Variants in ERBB4 observed in about 807,000 individuals in gnomAD.
ERBB4 encodes receptor tyrosine-protein kinase erbB-4.
A neutral mutation model predicts 158.0 loss-of-function variants in ERBB4; 42 were observed. That is an observed-to-expected ratio of 0.27 (90% CI 0.21 to 0.34). The LOEUF is 0.34. Among genes scored for constraint, ERBB4 ranks in the 10% least tolerant of loss-of-function variants. The pLI, the probability that ERBB4 is intolerant of heterozygous loss-of-function variation, is 1.00. For synonymous variants in ERBB4, 583 were observed against 558.7 expected, an observed-to-expected ratio of 1.04 and a Z score of -0.61; for missense variants, 1,333 against 1,624.1, an observed-to-expected ratio of 0.82 and a Z score of 3.08.
chr2:212,126,978 A>G (rs1234164044), intron 1 of ERBB4, among the ~76,000 whole-genome samples: 1 of 152,212 alleles, frequency 6.6e-6, no homozygotes, highest in African/African-American at 2.4e-5. Context: ...TCATTATAAA[A>G]ACAAAATCCA....
intron 5 of ERBB4, among the ~76,000 whole-genome samples, chr2:211,742,074 G>A (rs553160378): frequency 5.9e-5 from 9 of 152,292 alleles, no homozygotes; most frequent in African/African-American, 1.9e-4. Flanking sequence ...GATGTGCAAA[G>A]TTATTAGTAA....
chr2:212,020,506 G>T (rs2076625151), intron 2 of ERBB4, among the ~76,000 whole-genome samples: 1 of 151,742 alleles, frequency 6.6e-6, no homozygotes, highest in Non-Finnish European at 1.5e-5. Context: ...TTTAAGCTAG[G>T]TTAACTTATA....
intron 3 of ERBB4, among the ~76,000 whole-genome samples, chr2:211,863,542 A>G (rs1452024445): frequency 6.6e-6 from 1 of 152,196 alleles, no homozygotes; most frequent in Non-Finnish European, 1.5e-5. Context: ...CTAAGAACCC[A>G]CTGGGAGGAA....
chr2:212,474,212 T>C (rs905408140), intron 1 of ERBB4, among the ~76,000 whole-genome samples: 1 of 152,098 alleles, frequency 6.6e-6, no homozygotes, highest in Non-Finnish European at 1.5e-5. Context: ...AGTGATTTTT[T>C]TTTTTTTAGT....
At position 212,333,126 on chromosome 2, in the gene ERBB4, G is replaced by A. The variant is rs190770060; in HGVS notation, c.82+205323C>T. ...ACACATATGCTTAAATTCAGTAGATGGGTATAAAATATCAGAATTTAGTCA... is the reference window on the plus strand; with the variant it reads ...ACACATATGCTTAAATTCAGTAGATAGGTATAAAATATCAGAATTTAGTCA... On this transcript the variant is annotated intron_variant, in intron 1 of 27. Coordinates refer to ENST00000342788, the MANE Select transcript of ERBB4 (RefSeq NM_005235.3). Among the ~76,000 whole-genome samples the A allele has an allele frequency of 6.0e-4, 91 of 152,104 alleles. 1 individual carries two copies. Among genetic ancestry groups the A allele is most frequent in the African/African-American group, 2.1e-3 (87 of 41,530 alleles).
At chr2:211,537,884 CCAAT>C (rs2066698915) in intron 20 of ERBB4, among the ~76,000 whole-genome samples, 2 of 151,846 alleles carry the variant, frequency 1.3e-5, no homozygotes, top group African/African-American at 4.8e-5. Flanking sequence ...TTCCTTTTCT[CCAAT>C]CATTTTCAAA....
At chr2:211,957,469 C>T (rs185739030) in intron 2 of ERBB4, among the ~76,000 whole-genome samples, 26 of 152,246 alleles carry the variant, frequency 1.7e-4, no homozygotes, top group African/African-American at 6.3e-4. Context: ...GTCTGTGGTA[C>T]TTTGTTATGG....
chr2:211,762,111 A>T (rs911972505), intron 4 of ERBB4, among the ~76,000 whole-genome samples: 3 of 152,236 alleles, frequency 2.0e-5, no homozygotes, highest in Non-Finnish European at 2.9e-5. Flanking sequence ...TTCCATCGCA[A>T]CACATTACAT....
Position 212,002,461 on chromosome 2 carries a change from G to A in ERBB4, c.235-54845C>T, listed in dbSNP as rs540411829. On this transcript the variant is annotated intron_variant, in intron 2 of 27. Transcript: ENST00000342788. Reference sequence around the variant, plus strand: ...TTCCCAGACCTATTCTCTTGTGGTGGGCAGAGGACAACAGGCAAGCTTGTC... The same window carrying A: ...TTCCCAGACCTATTCTCTTGTGGTGAGCAGAGGACAACAGGCAAGCTTGTC... 2.0e-5 allele frequency among the ~76,000 whole-genome samples: 3 copies of A among 152,196 alleles called. No individual in the cohort carries two copies. In the East Asian group the frequency reaches 5.8e-4, roughly 29 times the overall value.
At chr2:211,413,305 T>TAAAAA (rs768289370) in intron 25 of ERBB4, among the ~76,000 whole-genome samples, 845 of 56,866 alleles carry the variant, frequency 0.015, 62 homozygotes, top group African/African-American at 0.06. Flanking sequence ...GACCCTGTCT[T>TAAAAA]AAAAACACAC....
intron 19 of ERBB4, among the ~76,000 whole-genome samples, chr2:211,564,198 C>T (rs1440717219): frequency 6.6e-6 from 1 of 152,072 alleles, no homozygotes; most frequent in Non-Finnish European, 1.5e-5. Context: ...AATCTGAAGC[C>T]TAATTTAATG....
In ERBB4 at chr2:212,117,445, A is replaced by G. The variant is rs574565314; in HGVS notation, c.234+7307T>C. The stretch of plus-strand genomic sequence containing the variant: ...TAATCCTCTCTTGCCACCTGTCTCA[A>G]TTAGTGACATGGAAGAAAAACATAG... On this transcript the variant is annotated intron_variant, in intron 2 of 27. Coordinates refer to ENST00000342788, the MANE Select transcript of ERBB4 (RefSeq NM_005235.3). 3.3e-5 allele frequency among the ~76,000 whole-genome samples: 5 copies of G among 152,258 alleles called. No homozygotes were observed. The South Asian group carries it at 1.0e-3, about 32-fold the overall frequency.
At chr2:211,885,010 T>A (rs1368916024) in intron 3 of ERBB4, among the ~76,000 whole-genome samples, 1 of 152,166 alleles carries the variant, frequency 6.6e-6, no homozygotes, top group Non-Finnish European at 1.5e-5. Context: ...AATATCATTG[T>A]GGGTAATGGG....
intron 20 of ERBB4, among the ~76,000 whole-genome samples, chr2:211,471,382 CT>C (rs1201141032): frequency 3.3e-5 from 5 of 152,090 alleles, no homozygotes; most frequent in Non-Finnish European, 5.9e-5. Context: ...CAGTGTATTG[CT>C]TCTCATCAAC....
intron 19 of ERBB4, among the ~76,000 whole-genome samples, chr2:211,578,596 A>G (rs1283774275): frequency 6.6e-6 from 1 of 152,148 alleles, no homozygotes; most frequent in Non-Finnish European, 1.5e-5. Context: ...GTACTGTTAC[A>G]AAAACAGACA....
At chr2:212,309,757 ATT>A (rs75634007) in intron 1 of ERBB4, among the ~76,000 whole-genome samples, 7 of 149,144 alleles carry the variant, frequency 4.7e-5, no homozygotes, top group Middle Eastern at 3.4e-3. Context: ...CTTTGAGGGT[ATT>A]TTTTTTTTAA....
chr2:212,212,669 A>G (rs540481467), intron 1 of ERBB4, among the ~76,000 whole-genome samples: 5 of 152,272 alleles, frequency 3.3e-5, no homozygotes, highest in African/African-American at 9.6e-5. Context: ...TTCAAACTAT[A>G]CTACAAGGCT....
rs551076205 is a variant in ERBB4 at position 211,667,632 on chromosome 2, C to T, written c.1717-2155G>A. On this transcript the variant is annotated intron_variant, in intron 14 of 27. Transcript: ENST00000342788. Reference sequence around the variant, plus strand: ...ATTTACTGTGCAAGTATGCTCAGTACCATGACTTATTGTACAAGACAAGAG... The same window carrying T: ...ATTTACTGTGCAAGTATGCTCAGTATCATGACTTATTGTACAAGACAAGAG... Among the ~76,000 whole-genome samples the T allele has an allele frequency of 1.9e-4, 29 of 152,236 alleles. No homozygotes were observed. In the South Asian group the frequency reaches 6.0e-3, roughly 32 times the overall value.
rs570763582 is a variant in ERBB4 at position 212,397,512 on chromosome 2, G to C, written c.82+140937C>G. 8.3e-5 allele frequency among the ~76,000 whole-genome samples: 12 copies of C among 144,390 alleles called. No homozygotes were observed. In the South Asian group the frequency reaches 2.8e-3, roughly 34 times the overall value. The allele number at this position is 144,390 out of a possible 152,430, so 94.7% of individuals were successfully genotyped here. A position where few individuals can be genotyped will look rare whatever the true frequency, so the allele number is the denominator to read the frequency against. On this transcript the variant is annotated intron_variant, in intron 1 of 27. Coordinates refer to ENST00000342788, the MANE Select transcript of ERBB4 (RefSeq NM_005235.3). ...GAAAAAAAGGAAGGAAGGAAGGAAG[G>C]GGGGAAGGGGGGAAGGGAGGGAGGG...
Sources: gnomAD v4.1 joint callset for allele counts (sites outside exome capture counted in the v4.1 genomes callset) on GRCh38, gnomAD v4.1.1 for gene constraint, MANE v1.5 for transcripts, NCBI Gene and HGNC (gene_info 2026-07-23, HGNC 2026-07-21) for gene names.